MACROD2: variants seen among roughly 807,000 people sequenced by gnomAD.
MACROD2 encodes the protein ADP-ribose glycohydrolase MACROD2.
MACROD2 carries 36 observed loss-of-function variants against 70.4 expected under a neutral mutation model. The observed-to-expected ratio is 0.51, with a 90% CI of 0.39 to 0.68. The LOEUF (loss-of-function observed/expected upper bound fraction) is 0.68, where lower values mean the gene tolerates loss of function less well. Among genes scored for constraint, MACROD2 ranks in the 30% least tolerant of loss-of-function variants. The pLI is 0.00. For synonymous variants in MACROD2, 172 were observed against 178.8 expected (o/e 0.96, Z 0.30); for missense variants, 496 against 538.4 (o/e 0.92, Z 0.78).
chr20:15,823,310 G>C (rs978605585), intron 8 of MACROD2, among the ~76,000 whole-genome samples: 1 of 149,338 alleles, frequency 6.7e-6, no homozygotes, highest in East Asian at 2.0e-4. Context: ...GTGTGTGTGT[G>C]TGTGTGTGTG....
chr20:15,530,664 G>A (rs1324074037), intron 8 of MACROD2, among the ~76,000 whole-genome samples: 1 of 144,052 alleles, frequency 6.9e-6, no homozygotes, highest in East Asian at 2.1e-4. Flanking sequence ...CCCGGGAGCC[G>A]AGATTGCGCC....
intron 5 of MACROD2, among the ~76,000 whole-genome samples, chr20:14,720,599 G>C (rs2071456695): frequency 8.3e-6 from 1 of 120,008 alleles, no homozygotes; most frequent in African/African-American, 3.3e-5. Context: ...CTGTTGCCAG[G>C]TTGGTGTGCT....
intron 9 of MACROD2, among the ~76,000 whole-genome samples, chr20:15,883,385 T>G (rs6135587): frequency 6.6e-6 from 1 of 152,050 alleles, no homozygotes; most frequent in Admixed American, 6.6e-5. Flanking sequence ...GGTTAGAAAA[T>G]TATATTTCTA....
chr20:14,190,853 G>A (rs1256704363), intron 3 of MACROD2, among the ~76,000 whole-genome samples: 3 of 149,844 alleles, frequency 2.0e-5, no homozygotes, highest in Non-Finnish European at 4.5e-5. Context: ...GACTATAGGC[G>A]CCCGCCACTA....
intron 8 of MACROD2, among the ~76,000 whole-genome samples, chr20:15,626,719 G>T (rs906505434): frequency 6.6e-6 from 1 of 152,106 alleles, no homozygotes; most frequent in East Asian, 1.9e-4. Flanking sequence ...GCCAGGCATG[G>T]TGGTGCATGC....
intron 12 of MACROD2, among the ~76,000 whole-genome samples, chr20:15,961,656 C>A (rs1424891682): frequency 2.0e-5 from 3 of 152,204 alleles, no homozygotes; most frequent in African/African-American, 7.2e-5. Context: ...TAAGAAGGTT[C>A]TTTCAGTAAT....
At chr20:15,757,934 A>G (rs1318678759) in intron 8 of MACROD2, among the ~76,000 whole-genome samples, 1 of 152,200 alleles carries the variant, frequency 6.6e-6, no homozygotes, top group Admixed American at 6.5e-5. Flanking sequence ...GGACACAATC[A>G]TTTAGCCTAT....
At chr20:15,786,570 C>T (rs2051930941) in intron 8 of MACROD2, among the ~76,000 whole-genome samples, 1 of 152,118 alleles carries the variant, frequency 6.6e-6, no homozygotes, top group African/African-American at 2.4e-5. Context: ...TAAGATAATA[C>T]TCCTCCTTTT....
chr20:16,019,048 C>T (rs955498524), intron 15 of MACROD2, among the ~76,000 whole-genome samples: 2 of 152,144 alleles, frequency 1.3e-5, no homozygotes, highest in African/African-American at 2.4e-5. Context: ...TTTCCAGGAT[C>T]ACTGAGCACA....
chr20:15,991,152 G>C (rs11700097), intron 15 of MACROD2, among the ~76,000 whole-genome samples: 52,572 of 152,122 alleles, frequency 0.35, 10,835 homozygotes, highest in Non-Finnish European at 0.44. Context: ...ATGCCTTTTA[G>C]CTCAAGGTGG....
At chr20:14,036,431 A>G (rs76563840) in intron 2 of MACROD2, among the ~76,000 whole-genome samples, 3,712 of 152,300 alleles carry the variant, frequency 0.024, 62 homozygotes, top group Middle Eastern at 0.041. Context: ...TGCACTGTTA[A>G]CAAGCACCTC....
chr20:14,354,781 C>T (rs1034690396), intron 3 of MACROD2, among the ~76,000 whole-genome samples: 3 of 152,080 alleles, frequency 2.0e-5, no homozygotes, highest in African/African-American at 4.8e-5. Flanking sequence ...CTAGTAGTTC[C>T]CAGTTTCTGT....
At chr20:14,488,041 A>G (rs2084755247) in intron 3 of MACROD2, among the ~76,000 whole-genome samples, 1 of 152,170 alleles carries the variant, frequency 6.6e-6, no homozygotes, top group African/African-American at 2.4e-5. Flanking sequence ...TCCCCCAAAA[A>G]TGTGGATATA....
intron 5 of MACROD2, among the ~76,000 whole-genome samples, chr20:15,058,676 T>C (rs1323047370): frequency 6.6e-6 from 1 of 152,218 alleles, no homozygotes; most frequent in African/African-American, 2.4e-5. Flanking sequence ...TATTTTTCCA[T>C]GTCAAGCACC....
chr20:14,610,882 A>T (rs966762989), intron 4 of MACROD2, among the ~76,000 whole-genome samples: 3 of 152,124 alleles, frequency 2.0e-5, no homozygotes, highest in African/African-American at 7.2e-5. Context: ...CTCGATAATG[A>T]TGTTAGCTTG....
At chr20:14,946,647 T>C (rs1410994668) in intron 5 of MACROD2, among the ~76,000 whole-genome samples, 1 of 152,122 alleles carries the variant, frequency 6.6e-6, no homozygotes, top group Non-Finnish European at 1.5e-5. Context: ...AAGCAATAAT[T>C]ATTGTAAGGT....
chr20:15,881,581 C>T (rs772717122), intron 9 of MACROD2, among the ~76,000 whole-genome samples: 3 of 152,084 alleles, frequency 2.0e-5, no homozygotes, highest in Non-Finnish European at 2.9e-5. Context: ...TCTATTAGAG[C>T]AATTGTAGAG....
intron 12 of MACROD2, among the ~76,000 whole-genome samples, chr20:15,953,493 T>A (rs1028790919): frequency 6.6e-6 from 1 of 152,148 alleles, no homozygotes; most frequent in African/African-American, 2.4e-5. Context: ...GAACAATTAT[T>A]TTGTCAATTT....
At chr20:14,834,197 T>C (rs1011398027) in intron 5 of MACROD2, among the ~76,000 whole-genome samples, 1 of 151,554 alleles carries the variant, frequency 6.6e-6, no homozygotes, top group Non-Finnish European at 1.5e-5. Flanking sequence ...TGCATTTAAA[T>C]GGATATATTT....
Sources: gnomAD v4.1 joint callset for allele counts (sites outside exome capture counted in the v4.1 genomes callset) on GRCh38, gnomAD v4.1.1 for gene constraint, MANE v1.5 for transcripts, NCBI Gene and HGNC (gene_info 2026-07-23, HGNC 2026-07-21) for gene names.